The following ROBO2 variants were observed in gnomAD, a reference collection of about 807,000 sequenced individuals.
ROBO2 encodes roundabout guidance receptor 2, also known as roundabout homolog 2.
In ROBO2, 53 loss-of-function variants were observed where a neutral mutation model predicts 160.8. The ratio of observed to expected loss-of-function variants is 0.33; its 90% CI spans 0.26 to 0.41. The LOEUF is 0.41. Among genes scored for constraint, ROBO2 ranks in the 10% least tolerant of loss-of-function variants. The pLI is 1.00. For synonymous variants in ROBO2, 664 were observed against 611.7 expected (o/e 1.09, Z -1.26); for missense variants, 1,577 against 1,722.4 (o/e 0.92, Z 1.49).
chr3:76,310,700 T>G (rs2071538693), intron 2 of ROBO2, among the ~76,000 whole-genome samples: 1 of 152,204 alleles, frequency 6.6e-6, no homozygotes, highest in Non-Finnish European at 1.5e-5. Context: ...TTAACTACCC[T>G]CTGTGCATAC....
At chr3:76,394,613 C>T (rs377047497) in intron 2 of ROBO2, among the ~76,000 whole-genome samples, 3 of 151,986 alleles carry the variant, frequency 2.0e-5, no homozygotes, top group East Asian at 3.9e-4. Flanking sequence ...AGTTGCTCTT[C>T]TCGAGGAGTA....
At chr3:76,028,499 A>G (rs1422534151) in intron 2 of ROBO2, among the ~76,000 whole-genome samples, 1 of 152,018 alleles carries the variant, frequency 6.6e-6, no homozygotes, top group Non-Finnish European at 1.5e-5. Context: ...CCAGGATCAT[A>G]AGAGACTTGT....
chr3:76,064,555 A>G (rs1214325737), intron 2 of ROBO2, among the ~76,000 whole-genome samples: 1 of 152,204 alleles, frequency 6.6e-6, no homozygotes, highest in Non-Finnish European at 1.5e-5. Context: ...CTTTCTGAAT[A>G]CTAATATATG....
intron 2 of ROBO2, among the ~76,000 whole-genome samples, chr3:77,113,904 G>A (rs1056264315): frequency 4.6e-5 from 7 of 152,302 alleles, no homozygotes; most frequent in Middle Eastern, 3.4e-3. Context: ...GTAGAAGCTG[G>A]CAGGTTGGAG....
At position 77,266,921 on chromosome 3, in the gene ROBO2, A is replaced by AT. The variant is rs541793328; in HGVS notation, c.388+168587dup. Among the ~76,000 whole-genome samples, 255 of 151,932 alleles carry AT rather than the reference A, an allele frequency of 1.7e-3. 1 individual carries two copies. Among genetic ancestry groups the AT allele is most frequent in the African/African-American group, 5.8e-3 (240 of 41,438 alleles). ...CGATTTTGTGAAACAAAAAATGTTGATTTTTTCAAGCTTTCCATTATCCAA... is the reference window on the plus strand; with the variant it reads ...CGATTTTGTGAAACAAAAAATGTTGATTTTTTTCAAGCTTTCCATTATCCAA... On this transcript the variant is annotated intron_variant, in intron 2 of 25. Coordinates refer to ENST00000461745, the Ensembl canonical transcript of ROBO2.
chr3:76,854,096 T>C (rs1379292119), intron 2 of ROBO2, among the ~76,000 whole-genome samples: 2 of 123,524 alleles, frequency 1.6e-5, no homozygotes, highest in East Asian at 2.4e-4. Flanking sequence ...CTCTCTCATA[T>C]CAAAATTATA....
chr3:75,996,823 TTGTAAATCATCTATTCTGATATA>T (rs2065742147), intron 2 of ROBO2, among the ~76,000 whole-genome samples: 1 of 57,938 alleles, frequency 1.7e-5, no homozygotes, highest in African/African-American at 5.0e-5. Flanking sequence ...ATTCTGATAT[TTGTAAATCATCTATTCTGATATA>T]TGTAAATCAT....
chr3:75,963,156 A>C (rs1259162909), intron 2 of ROBO2, among the ~76,000 whole-genome samples: 1 of 151,714 alleles, frequency 6.6e-6, no homozygotes, highest in Non-Finnish European at 1.5e-5. Context: ...TTTTAGTCTT[A>C]AGTTTTGAAA....
chr3:76,141,035 A>T (rs2071614701), intron 2 of ROBO2, among the ~76,000 whole-genome samples: 1 of 128,756 alleles, frequency 7.8e-6, no homozygotes, highest in African/African-American at 2.9e-5. Flanking sequence ...GTACACACAC[A>T]CACACACAGA....
intron 2 of ROBO2, among the ~76,000 whole-genome samples, chr3:76,525,959 A>C (rs2107973914): frequency 6.6e-6 from 1 of 152,138 alleles, no homozygotes; most frequent in African/African-American, 2.4e-5. Context: ...TTGGGCTGAA[A>C]GGGCTGTCTC....
At chr3:75,970,492 A>G (rs1361399395) in intron 2 of ROBO2, among the ~76,000 whole-genome samples, 2 of 151,554 alleles carry the variant, frequency 1.3e-5, no homozygotes, top group African/African-American at 4.8e-5. Flanking sequence ...AATTCCAGAT[A>G]AAATGAAATG....
chr3:77,351,049 A>G (rs1471059319), intron 2 of ROBO2, among the ~76,000 whole-genome samples: 1 of 152,174 alleles, frequency 6.6e-6, no homozygotes, highest in Admixed American at 6.5e-5. Flanking sequence ...AATAATAGTT[A>G]ACAAAGCACT....
rs182505880 is a variant in ROBO2, at chr3:77,334,565, T to A, written c.389-142849T>A. Among the ~76,000 whole-genome samples the A allele has an allele frequency of 9.8e-5, 15 of 152,322 alleles. No individual in the cohort carries two copies. In the East Asian group the frequency reaches 2.9e-3, roughly 29 times the overall value. ...TATATGCTTCTCTTCAACCTTCTCT[T>A]CCTTGCTCTCTGACATACACAGGTA... On this transcript the variant is annotated intron_variant, in intron 2 of 25. Transcript: ENST00000461745.
At chr3:77,568,199 T>C in intron 12 of ROBO2, 114 bp from the exon 14 acceptor site, 2 of 1,173,930 alleles carry the variant, frequency 1.7e-6, no homozygotes, top group East Asian at 5.1e-5. Context: ...AAGAGAGTTT[T>C]CGTTTTGTTT....
chr3:77,288,490 C>A (rs953258085), intron 2 of ROBO2, among the ~76,000 whole-genome samples: 8 of 152,170 alleles, frequency 5.3e-5, no homozygotes, highest in Non-Finnish European at 7.4e-5. Flanking sequence ...ACTGACACTG[C>A]AAAGCAATTA....
At chr3:77,223,204 GAATGAATGTAGACTTTCAAAAA>G (rs2086046951) in intron 2 of ROBO2, among the ~76,000 whole-genome samples, 2 of 152,084 alleles carry the variant, frequency 1.3e-5, no homozygotes, top group Non-Finnish European at 2.9e-5. Context: ...GAATCATAAA[GAATGAATGTAGACTTTCAAAAA>G]ATAGGCTTTG....
At chr3:77,567,995 T>C (rs113497974) in intron 12 of ROBO2, among the ~76,000 whole-genome samples, 3,402 of 152,120 alleles carry the variant, frequency 0.022, 128 homozygotes, top group African/African-American at 0.077. Context: ...TGTAGAGAAG[T>C]CTTACAGCAC....
intron 2 of ROBO2, among the ~76,000 whole-genome samples, chr3:76,915,558 T>C (rs2076248747): frequency 6.6e-6 from 1 of 150,720 alleles, no homozygotes; most frequent in East Asian, 2.0e-4. Context: ...TAACCCCAGC[T>C]ACTCGGGAGG....
intron 2 of ROBO2, among the ~76,000 whole-genome samples, chr3:76,874,563 C>T (rs545555194): frequency 1.3e-5 from 2 of 152,144 alleles, no homozygotes; most frequent in East Asian, 1.9e-4. Flanking sequence ...GCACTTCCAC[C>T]GCAGCTTATC....
Sources: gnomAD v4.1 joint callset for allele counts (sites outside exome capture counted in the v4.1 genomes callset) on GRCh38, gnomAD v4.1.1 for gene constraint, MANE v1.5 for transcripts, NCBI Gene and HGNC (gene_info 2026-07-23, HGNC 2026-07-21) for gene names.